The following NCOA2 variants were observed in gnomAD, a reference collection of about 807,000 sequenced individuals.
NCOA2 encodes the protein nuclear receptor coactivator 2, also known as class E basic helix-loop-helix protein 75.
NCOA2 carries 21 observed loss-of-function variants against 145.1 expected under a neutral mutation model. The ratio of observed to expected loss-of-function variants is 0.14; its 90% CI spans 0.10 to 0.21. The LOEUF (loss-of-function observed/expected upper bound fraction) is 0.21, where lower values mean the gene tolerates loss of function less well. Among genes scored for constraint, NCOA2 ranks in the 10% least tolerant of loss-of-function variants. NCOA2 has a pLI of 1.00. For synonymous variants in NCOA2, 619 were observed against 637.5 expected (o/e 0.97, Z 0.44); for missense variants, 1,472 against 1,837.6 (o/e 0.80, Z 3.64).
chr8:70,396,625 A>T (rs1168526650), intron 1 of NCOA2, among the ~76,000 whole-genome samples: 1 of 152,220 alleles, frequency 6.6e-6, no homozygotes, highest in East Asian at 1.9e-4. Context: ...AAAATCTATA[A>T]TTTCAAGAAT....
intron 4 of NCOA2, among the ~76,000 whole-genome samples, chr8:70,194,140 T>C (rs1272359003): frequency 1.3e-5 from 2 of 152,222 alleles, no homozygotes; most frequent in Non-Finnish European, 2.9e-5. Flanking sequence ...GGTTTCCTTT[T>C]GTACAAAACA....
At chr8:70,145,794 TA>T (rs1810993053) in intron 12 of NCOA2, among the ~76,000 whole-genome samples, 1 of 152,164 alleles carries the variant, frequency 6.6e-6, no homozygotes, top group African/African-American at 2.4e-5. Context: ...CAGGTCTGGC[TA>T]ATTTTAAAAT....
At chr8:70,144,902 T>A in intron 12 of NCOA2, 54 bp from the exon 13 acceptor site, 2 of 1,463,286 alleles carry the variant, frequency 1.4e-6, no homozygotes, top group Non-Finnish European at 1.9e-6. Context: ...TGGAAAATAA[T>A]ATTAACAGTA....
chr8:70,287,713 G>C (rs1826339652), intron 2 of NCOA2, among the ~76,000 whole-genome samples: 1 of 152,048 alleles, frequency 6.6e-6, no homozygotes, highest in East Asian at 1.9e-4. Context: ...TTAATTAATG[G>C]CAGATTATCA....
intron 11 of NCOA2, among the ~76,000 whole-genome samples, chr8:70,150,350 C>T: frequency 6.6e-6 from 1 of 152,212 alleles, no homozygotes; most frequent in South Asian, 2.1e-4. Context: ...CTGACTATCT[C>T]CTCCAACAGC....
At chr8:70,317,047 T>C (rs1044913644) in intron 1 of NCOA2, among the ~76,000 whole-genome samples, 12 of 152,190 alleles carry the variant, frequency 7.9e-5, no homozygotes, top group African/African-American at 2.7e-4. Context: ...GTTTGTGCTA[T>C]AAGAGAGCAC....
At chr8:70,137,308 G>A (rs982435341) in intron 15 of NCOA2, among the ~76,000 whole-genome samples, 2 of 152,182 alleles carry the variant, frequency 1.3e-5, no homozygotes, top group African/African-American at 4.8e-5. Flanking sequence ...CTCCCAAAGT[G>A]CTAGGATTAC....
chr8:70,441,257 G>C, the NCOA2 span, among the ~76,000 whole-genome samples: 4 of 135,086 alleles, frequency 3.0e-5, no homozygotes, highest in African/African-American at 8.3e-5. Context: ...AGAAAGAAAG[G>C]GGAAAGAGAA....
rs185689429 is a variant in NCOA2, at chr8:70,226,972, A to G, written c.-19-10208T>C. 4.6e-5 allele frequency among the ~76,000 whole-genome samples: 7 copies of G among 152,258 alleles called. No homozygotes were observed. In the East Asian group the frequency reaches 1.4e-3, roughly 29 times the overall value. Reference sequence around the variant, plus strand: ...TTACGCAGGCTTCACAGATTCCACCAGGAAGAATTAAAGGTTCCCTTTTAC... The same window carrying G: ...TTACGCAGGCTTCACAGATTCCACCGGGAAGAATTAAAGGTTCCCTTTTAC... On this transcript the variant is annotated intron_variant, in intron 2 of 22. Coordinates refer to ENST00000452400, the MANE Select transcript of NCOA2 (RefSeq NM_006540.4).
the NCOA2 span, among the ~76,000 whole-genome samples, chr8:70,423,274 C>G: frequency 6.6e-6 from 1 of 152,242 alleles, no homozygotes; most frequent in African/African-American, 2.4e-5. Flanking sequence ...ACCTCTGCCC[C>G]CCAGGTTCAA....
intron 11 of NCOA2, among the ~76,000 whole-genome samples, chr8:70,149,629 C>T (rs911010366): frequency 2.0e-4 from 30 of 151,812 alleles, no homozygotes; most frequent in Non-Finnish European, 7.4e-5. Context: ...AGTATCACCA[C>T]TATTTCACAC....
chr8:70,376,857 G>A (rs1586634289), intron 1 of NCOA2, among the ~76,000 whole-genome samples: 1 of 152,178 alleles, frequency 6.6e-6, no homozygotes, highest in Non-Finnish European at 1.5e-5. Context: ...CAGGGCCGGC[G>A]CTAGGTAAGC....
At chr8:70,224,576 T>C (rs1049941874) in intron 2 of NCOA2, among the ~76,000 whole-genome samples, 5 of 152,214 alleles carry the variant, frequency 3.3e-5, no homozygotes, top group South Asian at 4.1e-4. Context: ...CTAGAACTTA[T>C]AGACACTTAG....
chr8:70,346,888 T>A (rs1020910889), intron 1 of NCOA2, among the ~76,000 whole-genome samples: 1 of 152,220 alleles, frequency 6.6e-6, no homozygotes, highest in East Asian at 1.9e-4. Context: ...TCAGTTCAGT[T>A]TGCTGACAGG....
chr8:70,340,226 A>C (rs1190942428), intron 1 of NCOA2, among the ~76,000 whole-genome samples: 1 of 152,184 alleles, frequency 6.6e-6, no homozygotes, highest in African/African-American at 2.4e-5. Context: ...TCTACATGGA[A>C]CTTAAACAAA....
chr8:70,150,421 G>C (rs1811606635), intron 11 of NCOA2, among the ~76,000 whole-genome samples: 2 of 152,188 alleles, frequency 1.3e-5, no homozygotes, highest in African/African-American at 4.8e-5. Context: ...CCTAAGTGAA[G>C]TAGTTTATGT....
At chr8:70,416,809 T>C in the NCOA2 span, among the ~76,000 whole-genome samples, 1 of 152,204 alleles carries the variant, frequency 6.6e-6, no homozygotes, top group African/African-American at 2.4e-5. Flanking sequence ...TGAACCACTC[T>C]TGCGGTAATA....
At chr8:70,171,919 G>T (rs1814302290) in intron 5 of NCOA2, among the ~76,000 whole-genome samples, 1 of 152,154 alleles carries the variant, frequency 6.6e-6, no homozygotes, top group Admixed American at 6.5e-5. Context: ...CACCTCCTGG[G>T]CCCAAGTGAT....
intron 2 of NCOA2, among the ~76,000 whole-genome samples, chr8:70,286,473 A>G (rs1038861014): frequency 1.3e-5 from 2 of 152,250 alleles, no homozygotes; most frequent in African/African-American, 4.8e-5. Flanking sequence ...CAAGAGACTT[A>G]ACCGTGAGCT....
Sources: gnomAD v4.1 joint callset for allele counts (sites outside exome capture counted in the v4.1 genomes callset) on GRCh38, gnomAD v4.1.1 for gene constraint, MANE v1.5 for transcripts, NCBI Gene and HGNC (gene_info 2026-07-23, HGNC 2026-07-21) for gene names.